HS1BP3: variants seen among roughly 807,000 people sequenced by gnomAD.
The protein encoded by HS1BP3 is HCLS1-binding protein 3.
A neutral mutation model predicts 33.5 loss-of-function variants in HS1BP3; 32 were observed. The ratio of observed to expected loss-of-function variants is 0.95; its 90% confidence interval spans 0.72 to 1.28. HS1BP3 has a LOEUF of 1.28. Ranked by LOEUF, HS1BP3 falls within the 50% of genes most tolerant of loss-of-function variation. The probability of loss-of-function intolerance (pLI) is 0.00; values close to 1 mark genes in which losing one functional copy is unlikely to be tolerated. For synonymous variants in HS1BP3, 187 were observed against 209.2 expected (o/e 0.89, Z 0.92); for missense variants, 486 against 502.3 (o/e 0.97, Z 0.31).
chr2:20,586,422 T>C (rs1209344778), intron 5 of HS1BP3: 3 of 152,008 alleles, frequency 2.0e-5, no homozygotes. Flanking sequence ...CAATACACCG[T>C]CCTCTGGGGA....
intron 2 of HS1BP3, among the ~76,000 whole-genome samples, 158 bp from the exon 3 acceptor site, chr2:20,641,338 G>C (rs1312685054): frequency 6.6e-6 from 1 of 152,162 alleles, no homozygotes; most frequent in Non-Finnish European, 1.5e-5. Context: ...TCAGGCTCCA[G>C]TCCTTAACAC....
intron 5 of HS1BP3, among the ~76,000 whole-genome samples, chr2:20,570,536 G>C (rs1476539797): frequency 6.6e-6 from 1 of 152,308 alleles, no homozygotes; most frequent in Admixed American, 6.5e-5. Context: ...ACAAAAGAGA[G>C]CCTCCATTGC....
chr2:20,645,603 G>T, intron 1 of HS1BP3, 98 bp from the exon 2 acceptor site: 1 of 1,242,086 alleles, frequency 8.1e-7, no homozygotes, highest in Middle Eastern at 2.8e-4. Flanking sequence ...GCAGGCCTGG[G>T]TGCCAGGTGA....
At chr2:20,635,004 T>A (rs1366986050) in intron 4 of HS1BP3, 1 of 143,846 alleles carries the variant, frequency 7.0e-6, no homozygotes, top group Non-Finnish European at 1.5e-5. Flanking sequence ...AGGGGGTCCC[T>A]GTGTGCAAAA....
At chr2:20,645,245 G>T in intron 2 of HS1BP3, 95 bp downstream of exon 2, 2 of 1,286,090 alleles carry the variant, frequency 1.6e-6, no homozygotes, top group Non-Finnish European at 2.2e-6. Context: ...AGAAGCACTT[G>T]CTCTGGATGC....
intron 2 of HS1BP3, among the ~76,000 whole-genome samples, chr2:20,609,992 G>C (rs1045244602): frequency 6.6e-6 from 1 of 152,152 alleles, no homozygotes; most frequent in African/African-American, 2.4e-5. Context: ...GGTATCTTGG[G>C]GCAGCAGGCA....
chr2:20,591,157 G>A (rs571151819), downstream of HS1BP3: 149 of 167,256 alleles, frequency 8.9e-4, 2 homozygotes, highest in African/African-American at 3.5e-3. Flanking sequence ...AATGCAGGAG[G>A]CGGAATCAGA....
intron 4 of HS1BP3, among the ~76,000 whole-genome samples, chr2:20,631,763 C>T (rs1694975741): frequency 6.6e-6 from 1 of 152,062 alleles, no homozygotes; most frequent in African/African-American, 2.4e-5. Flanking sequence ...CTGCCCCTCA[C>T]CCATCCTGGC....
chr2:20,603,887 G>A (rs892621754), intron 2 of HS1BP3, among the ~76,000 whole-genome samples: 3 of 152,204 alleles, frequency 2.0e-5, no homozygotes, highest in African/African-American at 4.8e-5. Flanking sequence ...AGCTATGTAA[G>A]CTCCTCACAC....
downstream of HS1BP3, among the ~76,000 whole-genome samples, chr2:20,587,727 CAGAGCG>C (rs201069151): frequency 0.016 from 2,381 of 152,112 alleles, 55 homozygotes; most frequent in African/African-American, 0.055. Context: ...GCCTGGGCGA[CAGAGCG>C]AGACTCTGTC....
chr2:20,645,584 G>T lies in HS1BP3; in HGVS notation c.33-79C>A, dbSNP rs1695495037. 25 of 1,444,384 alleles carry T rather than the reference G, an allele frequency of 1.7e-5. 2 individuals carry two copies. In the South Asian group the frequency reaches 3.2e-4, roughly 18 times the overall value. 89.5% of individuals were successfully genotyped at this position (1,444,384 alleles called of 1,614,324 possible). ...CGAGCAAAGTGCAGGCAGGGCCTCT[G>T]GGTGCCTGGCAGGCCTGGGTGCCAG... is the stretch of plus-strand genomic sequence containing the variant. On this transcript the variant is annotated intron_variant, in intron 1 of 6. Transcript: ENST00000304031.
intron 5 of HS1BP3, among the ~76,000 whole-genome samples, chr2:20,575,817 T>C (rs1693386745): frequency 6.6e-6 from 1 of 151,166 alleles, no homozygotes; most frequent in South Asian, 2.1e-4. Flanking sequence ...AGCTGGGAAA[T>C]TAATTTACAA....
chr2:20,625,893 A>T (rs911326560), intron 4 of HS1BP3, among the ~76,000 whole-genome samples: 2 of 152,210 alleles, frequency 1.3e-5, no homozygotes, highest in Non-Finnish European at 2.9e-5. Context: ...AAGTAAACAC[A>T]CTTGATTTTA....
intron 5 of HS1BP3, among the ~76,000 whole-genome samples, chr2:20,572,019 G>T (rs765145254): frequency 2.6e-5 from 4 of 152,242 alleles, no homozygotes; most frequent in Non-Finnish European, 5.9e-5. Context: ...GAGAGGTTGA[G>T]TCATATCTAA....
chr2:20,605,651 T>G (rs1233129727), intron 2 of HS1BP3, among the ~76,000 whole-genome samples: 1 of 152,222 alleles, frequency 6.6e-6, no homozygotes, highest in Non-Finnish European at 1.5e-5. Context: ...CTGTCTTTTC[T>G]GGGTATTTCA....
At chr2:20,614,266 C>T (rs1426194432), downstream of HS1BP3, among the ~76,000 whole-genome samples, 1 of 152,204 alleles carries the variant, frequency 6.6e-6, no homozygotes, top group Non-Finnish European at 1.5e-5. Context: ...ATTTTAGACT[C>T]GTGACCCCCA....
At chr2:20,556,377 G>A (rs184012623), downstream of HS1BP3, among the ~76,000 whole-genome samples, 1 of 152,270 alleles carries the variant, frequency 6.6e-6, no homozygotes, top group East Asian at 1.9e-4. Flanking sequence ...CATTCTGTAA[G>A]AAGAAAATGG....
In HS1BP3 at chr2:20,645,356, T is replaced by C; in HGVS notation, c.182A>G (p.Asp61Gly). The C allele has an allele frequency of 6.2e-7, 1 of 1,613,706 alleles. No homozygotes were observed. Among genetic ancestry groups the C allele is most frequent in the Non-Finnish European group, 8.5e-7 (1 of 1,179,878 alleles). ...CCGGCTCACCAAGAACTGGACGACA[T>C]CCTCGGGCCTGTGCTTGGCCGACTT... ...AFKSAKHRPE[D>G]VVQFLVSKKY... The change falls in exon 2 of 7, where the codon GAT becomes GGT. Residue 61 changes from aspartate to glycine, a missense_variant. By Grantham distance (94) the Asp-to-Gly change is moderately conservative. Transcript: ENST00000304031.
intron 2 of HS1BP3, among the ~76,000 whole-genome samples, chr2:20,642,660 C>A (rs566457461): frequency 6.6e-6 from 1 of 152,360 alleles, no homozygotes; most frequent in African/African-American, 2.4e-5. Flanking sequence ...AGGGCACTGG[C>A]ATCGTGAGTA....
Sources: gnomAD v4.1 joint callset for allele counts (sites outside exome capture counted in the v4.1 genomes callset) on GRCh38, gnomAD v4.1.1 for gene constraint, MANE v1.5 for transcripts, NCBI Gene and HGNC (gene_info 2026-07-23, HGNC 2026-07-21) for gene names.